DCAF17: variants seen among roughly 807,000 people sequenced by gnomAD.
DCAF17 encodes the protein DDB1 and CUL4 associated factor 17.
A neutral mutation model predicts 66.0 loss-of-function variants in DCAF17; 48 were observed. That is an observed-to-expected ratio of 0.73 (90% CI 0.58 to 0.92). DCAF17 has a LOEUF of 0.92. Among genes scored for constraint, DCAF17 ranks in the 40% least tolerant of loss-of-function variants. DCAF17 has a pLI of 0.00. For synonymous variants in DCAF17, 206 were observed against 214.6 expected (o/e 0.96, Z 0.35); for missense variants, 562 against 622.8 (o/e 0.90, Z 1.04).
chr2:171,454,871 A>C (rs1157823864), intron 6 of DCAF17, among the ~76,000 whole-genome samples: 1 of 151,894 alleles, frequency 6.6e-6, no homozygotes, highest in Non-Finnish European at 1.5e-5. Flanking sequence ...CAACAGAGCA[A>C]AACTCCATCT....
At chr2:171,437,025 C>T (rs964980353) in intron 2 of DCAF17, among the ~76,000 whole-genome samples, 1 of 151,952 alleles carries the variant, frequency 6.6e-6, no homozygotes, top group East Asian at 1.9e-4. Flanking sequence ...CCGGCCACCT[C>T]GGCCTCCCAA....
rs149597381 is a variant in DCAF17, at chr2:171,455,130, C to CCCACCCT, written c.627+1934_627+1940dup. Among the ~76,000 whole-genome samples the CCCACCCT allele has an allele frequency of 1.1e-4, 16 of 148,022 alleles. No homozygotes were observed. The East Asian group carries it at 3.4e-3, about 31-fold the overall frequency. On this transcript the variant is annotated intron_variant, in intron 6 of 13. Transcript: ENST00000375255. ...TATTTTTCCTGATCCTTTCCCTCCT[C>CCCACCCT]CCACCCTCCACCCTCCACCCTCCGA...
chr2:171,463,412 T>C (rs1473561326), intron 8 of DCAF17, among the ~76,000 whole-genome samples: 1 of 152,168 alleles, frequency 6.6e-6, no homozygotes, highest in Non-Finnish European at 1.5e-5. Flanking sequence ...TATATGGTGA[T>C]GTGCTTTTGG....
At chr2:171,480,508 C>T (rs764458836) in intron 13 of DCAF17, among the ~76,000 whole-genome samples, 6 of 152,092 alleles carry the variant, frequency 3.9e-5, no homozygotes, top group Non-Finnish European at 7.4e-5. Flanking sequence ...TAAGAGAATA[C>T]GGTAATCCCC....
rs1301588115 is a variant in DCAF17, at chr2:171,443,630, G to A, written c.321+17G>A. The A allele has an allele frequency of 1.2e-6, 2 of 1,604,008 alleles. No individual in the cohort carries two copies. The highest frequency in any genetic ancestry group is 3.3e-5 in the Admixed American group (2 of 59,958). ...TGCCCAGTGGTAAGATTTGTTTTTA[G>A]AGCGTTTGTTTCTAAAGCATTTTTA... On this transcript the variant is annotated intron_variant, in intron 3 of 13. Transcript: ENST00000375255.
rs945421963 is a variant in DCAF17 at position 171,434,511 on chromosome 2, C to T, written c.-67C>T. 3.9e-6 allele frequency: 6 copies of T among 1,523,678 alleles called. No homozygotes were observed. In the East Asian group the frequency reaches 7.4e-5, roughly 19 times the overall value. The allele number at this position is 1,523,678 out of a possible 1,614,324, so 94.4% of individuals were successfully genotyped here. On this transcript the variant is annotated 5_prime_UTR_variant, in exon 1 of 14. Transcript: ENST00000375255. Reference sequence around the variant, plus strand: ...CGAAATTCGAAGGCAGCGGCGGCTGCCCAGCACGGGAGTGTGGGGCGCGCC... The same window carrying T: ...CGAAATTCGAAGGCAGCGGCGGCTGTCCAGCACGGGAGTGTGGGGCGCGCC...
At chr2:171,446,694 T>C (rs1264074364) in intron 3 of DCAF17, among the ~76,000 whole-genome samples, 1 of 152,176 alleles carries the variant, frequency 6.6e-6, no homozygotes, top group Non-Finnish European at 1.5e-5. Context: ...AAGAGCAGGA[T>C]AACAGTGTGG....
At chr2:171,456,098 C>G (rs974357726) in intron 6 of DCAF17, among the ~76,000 whole-genome samples, 2 of 152,108 alleles carry the variant, frequency 1.3e-5, no homozygotes, top group African/African-American at 4.8e-5. Flanking sequence ...ATGCCTATGT[C>G]CAGAATGATA....
chr2:171,464,385 A>G (rs1238543860), intron 8 of DCAF17, among the ~76,000 whole-genome samples: 1 of 152,172 alleles, frequency 6.6e-6, no homozygotes, highest in Non-Finnish European at 1.5e-5. Flanking sequence ...GTGGTTGTTC[A>G]CAATCTTTGG....
intron 13 of DCAF17, among the ~76,000 whole-genome samples, chr2:171,480,529 A>G (rs1696694117): frequency 6.6e-6 from 1 of 152,164 alleles, no homozygotes; most frequent in Admixed American, 6.5e-5. Context: ...ACAATTATTT[A>G]CTAGAGACCA....
chr2:171,479,283 TTGA>T (rs938770614), intron 12 of DCAF17, among the ~76,000 whole-genome samples: 2 of 152,314 alleles, frequency 1.3e-5, no homozygotes, highest in Non-Finnish European at 1.5e-5. Context: ...GTCTTTAAAG[TTGA>T]TGCCAGGCAT....
At chr2:171,435,265 A>AGTG in intron 2 of DCAF17, 79 bp downstream of exon 2, 1 of 1,054,906 alleles carries the variant, frequency 9.5e-7, no homozygotes. Context: ...CCACATGCCT[A>AGTG]CATTAGTGCC....
rs931710862 is a variant in DCAF17, at chr2:171,481,588, T to C, written c.*474T>C. The C allele has an allele frequency of 1.8e-5, 8 of 454,010 alleles. No individual in the cohort carries two copies. Among genetic ancestry groups the C allele is most frequent in the East Asian group, 6.9e-5 (1 of 14,418 alleles). 28.1% of individuals were successfully genotyped at this position (454,010 alleles called of 1,614,324 possible). On this transcript the variant is annotated 3_prime_UTR_variant, in exon 14 of 14. Transcript: ENST00000375255. Reference sequence around the variant, plus strand: ...TAAGGATGAGAAATGAGATGTGTTATGTGAGAACATTATTTTGAGCCCAAA... The same window carrying C: ...TAAGGATGAGAAATGAGATGTGTTACGTGAGAACATTATTTTGAGCCCAAA...
chr2:171,463,552 A>G (rs532120598), intron 8 of DCAF17, among the ~76,000 whole-genome samples: 6 of 152,198 alleles, frequency 3.9e-5, no homozygotes, highest in African/African-American at 1.4e-4. Context: ...TACCTATGTG[A>G]CAAAGTGGTT....
intron 1 of DCAF17, 186 bp from the exon 2 acceptor site, chr2:171,434,896 TG>T: frequency 9.6e-7 from 1 of 1,041,590 alleles, no homozygotes; most frequent in East Asian, 2.6e-5. Flanking sequence ...ACGCTTCTTA[TG>T]TCTTACCTGG....
intron 3 of DCAF17, among the ~76,000 whole-genome samples, chr2:171,444,478 T>C (rs187099970): frequency 2.7e-3 from 405 of 152,298 alleles, no homozygotes; most frequent in Non-Finnish European, 3.6e-3. Flanking sequence ...TCAGGCTACA[T>C]GTATAAGATA....
chr2:171,479,939 TGTAA>T (rs2105813018), intron 12 of DCAF17, 95 bp from the exon 13 acceptor site: 1 of 1,333,450 alleles, frequency 7.5e-7, no homozygotes, highest in East Asian at 2.4e-5. Context: ...CCCATATTTT[TGTAA>T]GTAATAGAAT....
chr2:171,465,204 G>GAA (rs1198249311), intron 8 of DCAF17, among the ~76,000 whole-genome samples: 6 of 134,268 alleles, frequency 4.5e-5, no homozygotes, highest in Non-Finnish European at 6.5e-5. Flanking sequence ...TCTCAAAAAG[G>GAA]AAAAAAAAAA....
Position 171,448,718 on chromosome 2 carries a change from C to T in DCAF17, c.359C>T (p.Ser120Leu), listed in dbSNP as rs1156509234. The T allele has an allele frequency of 6.2e-7, 1 of 1,611,416 alleles. No homozygotes were observed. The highest frequency in any genetic ancestry group is 1.3e-5 in the African/African-American group (1 of 74,676). Residue 120 changes from serine to leucine, a missense_variant, in exon 4 of 14, where the codon TCA becomes TTA. This residue lies in a region of DCAF17 where 348 missense variants were observed against 355.9 expected (regional missense o/e 0.98). Coordinates refer to ENST00000375255, the MANE Select transcript of DCAF17 (RefSeq NM_025000.4). The part of the protein sequence containing the change: ...ILPNSSDYKS[S>L]LIALTAHNWL... ...CCCAATTCATCAGATTATAAGTCCTCACTCATAGCACTGACTGCTCATAAT... is the reference window on the plus strand; with the variant it reads ...CCCAATTCATCAGATTATAAGTCCTTACTCATAGCACTGACTGCTCATAAT...
Sources: allele counts gnomAD v4.1 joint callset (sites outside exome capture counted in the v4.1 genomes callset), GRCh38; gene constraint gnomAD v4.1.1; regional missense constraint gnomAD v4.1.1; transcripts MANE v1.5; gene names NCBI Gene and HGNC (gene_info 2026-07-23, HGNC 2026-07-21).